Variants in CNTNAP2 observed in about 807,000 individuals in gnomAD.
The protein encoded by CNTNAP2 is contactin associated protein 2.
In CNTNAP2, 98 loss-of-function variants were observed where a neutral mutation model predicts 155.2. The observed-to-expected ratio is 0.63, with a 90% CI of 0.54 to 0.75. CNTNAP2 has a LOEUF of 0.75. Ranked by LOEUF, CNTNAP2 falls within the 30% of genes least tolerant of loss-of-function variation. CNTNAP2 has a pLI of 0.00. For synonymous variants in CNTNAP2, 651 were observed against 631.2 expected, an observed-to-expected ratio of 1.03 and a Z score of -0.47; for missense variants, 1,727 against 1,688.1, an observed-to-expected ratio of 1.02 and a Z score of -0.40.
At chr7:146,772,907 C>T (rs1248525761) in intron 1 of CNTNAP2, among the ~76,000 whole-genome samples, 1 of 152,130 alleles carries the variant, frequency 6.6e-6, no homozygotes, top group Non-Finnish European at 1.5e-5. Context: ...GTTTCTTCAG[C>T]TGCTGCCGGC....
At chr7:147,797,595 A>G (rs1366452573) in intron 13 of CNTNAP2, among the ~76,000 whole-genome samples, 1 of 152,024 alleles carries the variant, frequency 6.6e-6, no homozygotes, top group Non-Finnish European at 1.5e-5. Context: ...ACAAAGTAAA[A>G]TAATTTTTTT....
chr7:146,597,715 G>C (rs139421620), intron 1 of CNTNAP2, among the ~76,000 whole-genome samples: 2,108 of 151,992 alleles, frequency 0.014, 35 homozygotes, highest in Middle Eastern at 0.051. Flanking sequence ...TCTAAAGTTG[G>C]ACATAAATAA....
chr7:147,864,011 G>A (rs1046144160), intron 13 of CNTNAP2, among the ~76,000 whole-genome samples: 2 of 152,070 alleles, frequency 1.3e-5, no homozygotes, highest in African/African-American at 4.8e-5. Context: ...CCATGCCTAT[G>A]TCCTGAATGG....
intron 11 of CNTNAP2, among the ~76,000 whole-genome samples, chr7:147,500,588 G>T (rs1419581727): frequency 6.6e-6 from 1 of 151,892 alleles, no homozygotes; most frequent in Non-Finnish European, 1.5e-5. Context: ...ATACAATTTG[G>T]GGCAACTAAA....
intron 13 of CNTNAP2, among the ~76,000 whole-genome samples, chr7:147,784,257 A>G (rs761579457): frequency 2.6e-5 from 4 of 151,396 alleles, no homozygotes; most frequent in Non-Finnish European, 5.9e-5. Context: ...TAGAACTTCA[A>G]CGTAAAAATT....
chr7:147,099,738 T>C (rs1800617312), intron 4 of CNTNAP2, among the ~76,000 whole-genome samples: 3 of 152,198 alleles, frequency 2.0e-5, no homozygotes, highest in Admixed American at 1.3e-4. Flanking sequence ...AAAGACATTC[T>C]GAGGAGTTTC....
intron 1 of CNTNAP2, among the ~76,000 whole-genome samples, chr7:146,446,105 A>C (rs2129121115): frequency 6.6e-6 from 1 of 152,334 alleles, no homozygotes; most frequent in South Asian, 2.1e-4. Flanking sequence ...TAAATTGAGA[A>C]AGATTGCTGA....
chr7:148,174,833 G>A (rs913527493), intron 18 of CNTNAP2, among the ~76,000 whole-genome samples: 10 of 152,030 alleles, frequency 6.6e-5, no homozygotes, highest in Non-Finnish European at 7.4e-5. Flanking sequence ...GGGGTTTGCC[G>A]CACCTATCAA....
intron 21 of CNTNAP2, among the ~76,000 whole-genome samples, chr7:148,293,774 T>A (rs774508234): frequency 5.6e-4 from 85 of 152,002 alleles, no homozygotes; most frequent in Non-Finnish European, 9.9e-4. Context: ...GTGGCTCACA[T>A]CTGTAATCCC....
At position 148,420,844 on chromosome 7, in the gene CNTNAP2, A is replaced by C. The variant is rs1800098447; in HGVS notation, c.*5228A>C. On this transcript the variant is annotated 3_prime_UTR_variant, in exon 24 of 24. Coordinates refer to ENST00000361727, the MANE Select transcript of CNTNAP2 (RefSeq NM_014141.6). ...CCCCTGTGAAATAACACAAAATTTC[A>C]CTCTCTAAAAGCAACAGCATGTAAA... The C allele has an allele frequency of 6.6e-6, 1 of 152,624 alleles. No homozygotes were observed. Among genetic ancestry groups the C allele is most frequent in the East Asian group, 1.9e-4 (1 of 5,204 alleles). 9.5% of individuals were successfully genotyped at this position (152,624 alleles called of 1,614,324 possible). A position where few individuals can be genotyped will look rare whatever the true frequency, so the allele number is the denominator to read the frequency against.
chr7:146,693,593 C>G (rs1288963014), intron 1 of CNTNAP2, among the ~76,000 whole-genome samples: 2 of 152,060 alleles, frequency 1.3e-5, no homozygotes, highest in Admixed American at 1.3e-4. Flanking sequence ...TATACCTTGA[C>G]AAGTAATCTC....
At chr7:146,445,387 C>G (rs1390932713) in intron 1 of CNTNAP2, among the ~76,000 whole-genome samples, 1 of 152,146 alleles carries the variant, frequency 6.6e-6, no homozygotes, top group Non-Finnish European at 1.5e-5. Context: ...CTTGCCTCTT[C>G]TTATGACATG....
At chr7:147,808,251 T>C (rs1490264413) in intron 13 of CNTNAP2, among the ~76,000 whole-genome samples, 1 of 152,206 alleles carries the variant, frequency 6.6e-6, no homozygotes, top group African/African-American at 2.4e-5. Context: ...AAGCAGGAAC[T>C]GCTGGGACCC....
At chr7:147,179,765 C>T (rs531103819) in intron 8 of CNTNAP2, among the ~76,000 whole-genome samples, 2 of 152,224 alleles carry the variant, frequency 1.3e-5, no homozygotes, top group Admixed American at 1.3e-4. Context: ...TATAGGAAAA[C>T]TCCAGTGGTT....
At chr7:147,776,486 C>T (rs962206925) in intron 13 of CNTNAP2, among the ~76,000 whole-genome samples, 3 of 152,142 alleles carry the variant, frequency 2.0e-5, no homozygotes, top group African/African-American at 7.2e-5. Flanking sequence ...CATGCACACA[C>T]GTGGATTAAT....
Position 146,238,899 on chromosome 7 carries a change from T to G in CNTNAP2, c.97+121926T>G, listed in dbSNP as rs546750797. Among the ~76,000 whole-genome samples, 16 of 152,262 alleles carry G rather than the reference T, an allele frequency of 1.1e-4. No homozygotes were observed. In the South Asian group the frequency reaches 1.9e-3, roughly 18 times the overall value. ...AGATCTTGTGAGAACTCACTCACTATCACAAGAACAGCATGGGGGAAACCA... is the reference window on the plus strand; with the variant it reads ...AGATCTTGTGAGAACTCACTCACTAGCACAAGAACAGCATGGGGGAAACCA... On this transcript the variant is annotated intron_variant, in intron 1 of 23. Coordinates refer to ENST00000361727, the MANE Select transcript of CNTNAP2 (RefSeq NM_014141.6).
intron 1 of CNTNAP2, among the ~76,000 whole-genome samples, chr7:146,688,963 A>G (rs1217573514): frequency 1.3e-5 from 2 of 152,140 alleles, no homozygotes; most frequent in African/African-American, 4.8e-5. Context: ...AAAACTTTCT[A>G]TGTTCATCTT....
intron 1 of CNTNAP2, among the ~76,000 whole-genome samples, chr7:146,344,120 A>G (rs1794781998): frequency 6.6e-6 from 1 of 152,220 alleles, no homozygotes; most frequent in Non-Finnish European, 1.5e-5. Context: ...ACTTTGAAAC[A>G]GAAAACTTTT....
At chr7:147,653,652 A>AT (rs1795481658) in intron 13 of CNTNAP2, among the ~76,000 whole-genome samples, 1 of 152,170 alleles carries the variant, frequency 6.6e-6, no homozygotes, top group African/African-American at 2.4e-5. Context: ...CACTGGGTGT[A>AT]TAAGCAGAGG....
Sources: gnomAD v4.1 joint callset for allele counts (sites outside exome capture counted in the v4.1 genomes callset) on GRCh38, gnomAD v4.1.1 for gene constraint, MANE v1.5 for transcripts, NCBI Gene and HGNC (gene_info 2026-07-23, HGNC 2026-07-21) for gene names.